Variants in PCDHA1 observed in about 807,000 individuals in gnomAD.
The protein encoded by PCDHA1 is protocadherin alpha 1.
PCDHA1 carries 42 observed loss-of-function variants against 61.3 expected under a neutral mutation model. The ratio of observed to expected loss-of-function variants is 0.69; its 90% CI spans 0.54 to 0.89. PCDHA1 has a LOEUF of 0.89. Ranked by LOEUF, PCDHA1 falls within the 40% of genes least tolerant of loss-of-function variation. The pLI is 0.00. For synonymous variants in PCDHA1, 610 were observed against 553.8 expected, an observed-to-expected ratio of 1.10 and a Z score of -1.43; for missense variants, 1,256 against 1,235.3, an observed-to-expected ratio of 1.02 and a Z score of -0.25.
chr5:140,820,836 G>C (rs1389375569), intron 1 of PCDHA1, among the ~76,000 whole-genome samples: 5 of 151,896 alleles, frequency 3.3e-5, no homozygotes. Context: ...ATCAGTAATA[G>C]CAACTTGAAG....
chr5:140,849,954 A>G, intron 1 of PCDHA1: 1 of 1,597,790 alleles, frequency 6.3e-7, no homozygotes, highest in Non-Finnish European at 8.6e-7. Context: ...CGCGCAGGAG[A>G]ACGCCCTGGT....
chr5:140,801,926 G>C (rs1762813988), intron 1 of PCDHA1: 1 of 1,614,218 alleles, frequency 6.2e-7, no homozygotes, highest in African/African-American at 1.3e-5. Flanking sequence ...CAGCGTTTGA[G>C]AGGACGATCT....
At chr5:140,964,183 C>A (rs1422782402) in intron 1 of PCDHA1, among the ~76,000 whole-genome samples, 2 of 152,164 alleles carry the variant, frequency 1.3e-5, no homozygotes, top group Non-Finnish European at 2.9e-5. Context: ...CATTATAGTG[C>A]CAAATAGAGT....
chr5:140,857,687 A>C, intron 1 of PCDHA1: 1 of 1,597,130 alleles, frequency 6.3e-7, no homozygotes, highest in South Asian at 1.1e-5. Context: ...TCTGGGCAGC[A>C]ACTTGACGCT....
chr5:140,789,438 T>C (rs1050151859), intron 1 of PCDHA1, among the ~76,000 whole-genome samples: 4 of 151,974 alleles, frequency 2.6e-5, no homozygotes, highest in Non-Finnish European at 4.4e-5. Context: ...GGCGACAGAG[T>C]GAGACTCTGT....
chr5:140,829,373 C>T (rs1202815393), intron 1 of PCDHA1: 3 of 1,614,082 alleles, frequency 1.9e-6, no homozygotes, highest in South Asian at 1.1e-5. Context: ...GGTAACCGCG[C>T]GGGACGGGGG....
At chr5:140,874,117 T>C (rs1349618614) in intron 1 of PCDHA1, among the ~76,000 whole-genome samples, 2 of 152,248 alleles carry the variant, frequency 1.3e-5, no homozygotes, top group Admixed American at 1.3e-4. Context: ...TAACGTTTTA[T>C]AGTTTATTTA....
At chr5:140,868,818 T>TG (rs1170928689) in intron 1 of PCDHA1, 2 of 385,940 alleles carry the variant, frequency 5.2e-6, no homozygotes, top group Non-Finnish European at 9.1e-6. Flanking sequence ...TGGAAATATT[T>TG]GGGGGAAGAA....
At chr5:140,882,855 T>C in intron 1 of PCDHA1, 1 of 1,614,230 alleles carries the variant, frequency 6.2e-7, no homozygotes, top group Non-Finnish European at 8.5e-7. Context: ...TCACTTGTAC[T>C]GAGGAAAACA....
chr5:140,966,934 G>C (rs782780798), intron 1 of PCDHA1: 3 of 1,604,080 alleles, frequency 1.9e-6, no homozygotes, highest in Non-Finnish European at 2.5e-6. Flanking sequence ...CACCCGGCGC[G>C]CTCGTGGGCA....
At chr5:140,968,017 C>A in intron 1 of PCDHA1, 1 of 1,614,216 alleles carries the variant, frequency 6.2e-7, no homozygotes, top group South Asian at 1.1e-5. Flanking sequence ...GCTTTGGAAA[C>A]TCCTATACAC....
chr5:140,840,895 A>C (rs1776928646), intron 1 of PCDHA1, among the ~76,000 whole-genome samples: 1 of 152,026 alleles, frequency 6.6e-6, no homozygotes, highest in South Asian at 2.1e-4. Context: ...TATCCATGAC[A>C]TACAGGTCAT....
intron 1 of PCDHA1, chr5:140,929,632 C>T: frequency 2.6e-6 from 1 of 387,580 alleles, no homozygotes; most frequent in Admixed American, 4.5e-5. Flanking sequence ...TTATAAGCAA[C>T]AGATGTGTAA....
At chr5:140,924,477 T>C (rs1378646713) in intron 1 of PCDHA1, among the ~76,000 whole-genome samples, 1 of 152,230 alleles carries the variant, frequency 6.6e-6, no homozygotes, top group Admixed American at 6.5e-5. Context: ...AACTGGTTTT[T>C]AGTGGAACAC....
chr5:140,884,244 T>C, intron 1 of PCDHA1: 1 of 1,613,386 alleles, frequency 6.2e-7, no homozygotes, highest in Non-Finnish European at 8.5e-7. Flanking sequence ...GAGCCCGCGC[T>C]GACGGCCACG....
At chr5:140,808,484 C>G in intron 1 of PCDHA1, 1 of 1,614,170 alleles carries the variant, frequency 6.2e-7, no homozygotes, top group Non-Finnish European at 8.5e-7. Flanking sequence ...CGGGGGCTCG[C>G]CTTCGCTGTG....
intron 1 of PCDHA1, chr5:140,926,825 G>GT (rs1175916332): frequency 1.3e-6 from 2 of 1,499,578 alleles, no homozygotes; most frequent in Non-Finnish European, 1.8e-6. Flanking sequence ...CTCTCCAGGA[G>GT]TCCGGAGCAT....
In PCDHA1 at chr5:140,852,152, C is replaced by T. The variant is rs1163475400; in HGVS notation, c.2394+63468C>T. The T allele has an allele frequency of 5.8e-6, 5 of 861,034 alleles. 1 individual carries two copies. The highest frequency in any genetic ancestry group is 1.2e-3 in the Middle Eastern group (2 of 1,666). The allele number at this position is 861,034 out of a possible 1,614,324, so 53.3% of individuals were successfully genotyped here. ...CTCAGTAGAGAAAGATCAGAATGGC[C>T]TTGAGAATAGAGCCACAAAAATAAC... On this transcript the variant is annotated intron_variant, in intron 1 of 3. Transcript: ENST00000504120.
chr5:140,838,077 AGTGTGTG>A (rs1241834179), intron 1 of PCDHA1, among the ~76,000 whole-genome samples: 11 of 80,662 alleles, frequency 1.4e-4, no homozygotes, highest in African/African-American at 1.8e-4. Context: ...ATATATATAT[AGTGTGTG>A]TGTGTGTGTG....
Sources: allele counts gnomAD v4.1 joint callset (sites outside exome capture counted in the v4.1 genomes callset), GRCh38; gene constraint gnomAD v4.1.1; transcripts MANE v1.5; gene names NCBI Gene and HGNC (gene_info 2026-07-23, HGNC 2026-07-21).